Variants in CSNK2A1 observed in about 807,000 individuals in gnomAD.
CSNK2A1 encodes casein kinase II subunit alpha.
A neutral mutation model predicts 62.9 loss-of-function variants in CSNK2A1; 10 were observed. The observed-to-expected ratio is 0.16, with a 90% CI of 0.10 to 0.27. The LOEUF is 0.27. CSNK2A1 is among the 10% of genes least tolerant of loss of function. CSNK2A1 has a pLI of 1.00. For missense variants in CSNK2A1, 160 were observed against 492.0 expected (o/e 0.33, Z 6.38); for synonymous variants, 124 against 167.8 (o/e 0.74, Z 2.02).
chr20:513,084 C>A (rs1055557488), intron 2 of CSNK2A1, among the ~76,000 whole-genome samples: 1 of 152,206 alleles, frequency 6.6e-6, no homozygotes, highest in African/African-American at 2.4e-5. Context: ...ATGAACCCAA[C>A]AGAAATGCTG....
At chr20:507,457 C>T (rs1437037150) in intron 3 of CSNK2A1, 2 of 152,186 alleles carry the variant, frequency 1.3e-5, no homozygotes, top group African/African-American at 4.8e-5. Flanking sequence ...ATGCTTTTAT[C>T]ACAAAAGTAT....
chr20:532,198 T>G (rs1466154828), intron 1 of CSNK2A1, among the ~76,000 whole-genome samples: 2 of 151,928 alleles, frequency 1.3e-5, no homozygotes, highest in Admixed American at 6.6e-5. Flanking sequence ...GGAGTCTCGC[T>G]CTGTCGCCAG....
chr20:539,589 G>A (rs2019405811), intron 1 of CSNK2A1: 1 of 152,102 alleles, frequency 6.6e-6, no homozygotes, highest in South Asian at 2.1e-4. Context: ...ATCTACCTAA[G>A]ATCCTTAACT....
chr20:520,836 A>G (rs761481990), intron 2 of CSNK2A1, among the ~76,000 whole-genome samples: 4 of 152,216 alleles, frequency 2.6e-5, no homozygotes, highest in Middle Eastern at 3.2e-3. Flanking sequence ...ATGCAAAATC[A>G]TAAACTTTAA....
At chr20:495,543 GA>G (rs1472241729) in intron 8 of CSNK2A1, 175 bp downstream of exon 8, 3 of 530,568 alleles carry the variant, frequency 5.7e-6, no homozygotes, top group Non-Finnish European at 3.4e-6. Flanking sequence ...ATATTCTTAG[GA>G]ATATAAATAA....
At chr20:540,265 T>C (rs926880135) in intron 1 of CSNK2A1, among the ~76,000 whole-genome samples, 1 of 152,238 alleles carries the variant, frequency 6.6e-6, no homozygotes, top group Non-Finnish European at 1.5e-5. Flanking sequence ...TGTGGAAGTA[T>C]TCCACATGGG....
At chr20:540,393 C>A (rs2019424612) in intron 1 of CSNK2A1, among the ~76,000 whole-genome samples, 1 of 152,174 alleles carries the variant, frequency 6.6e-6, no homozygotes, top group African/African-American at 2.4e-5. Context: ...TCCATATAAC[C>A]ATAGGATACA....
At chr20:492,393 T>C (rs770574791) in intron 8 of CSNK2A1, 29 bp from the exon 9 acceptor site, 1 of 1,608,624 alleles carries the variant, frequency 6.2e-7, no homozygotes, top group South Asian at 1.1e-5. Flanking sequence ...TGAGCAATCT[T>C]ATCTTTCTCT....
intron 2 of CSNK2A1, among the ~76,000 whole-genome samples, chr20:512,954 A>G (rs6052551): frequency 0.044 from 6,639 of 152,214 alleles, 423 homozygotes; most frequent in African/African-American, 0.13. Context: ...AAGGTCATCT[A>G]TGTTGTAGGA....
intron 3 of CSNK2A1, chr20:506,283 G>A (rs527892815): frequency 4.9e-4 from 74 of 152,328 alleles, no homozygotes; most frequent in African/African-American, 1.7e-3. Context: ...CCACACTTTG[G>A]CAGCAGCTGA....
At chr20:520,755 C>T (rs951379385) in intron 2 of CSNK2A1, among the ~76,000 whole-genome samples, 9 of 152,158 alleles carry the variant, frequency 5.9e-5, no homozygotes, top group Non-Finnish European at 1.0e-4. Context: ...CTGCCTTGGC[C>T]TCCCAAAGTG....
chr20:489,696 A>T, intron 10 of CSNK2A1, 84 bp downstream of exon 10: 1 of 1,143,870 alleles, frequency 8.7e-7, no homozygotes, highest in Non-Finnish European at 1.2e-6. Context: ...GTGGCTGAAT[A>T]AACAGTGAAC....
intron 2 of CSNK2A1, among the ~76,000 whole-genome samples, chr20:509,334 G>C (rs1342411915): frequency 1.3e-5 from 2 of 152,190 alleles, no homozygotes; most frequent in Admixed American, 1.3e-4. Context: ...GTATAAAACA[G>C]TAATACAGAT....
chr20:510,320 C>A (rs1216808446), intron 2 of CSNK2A1: 1 of 152,196 alleles, frequency 6.6e-6, no homozygotes, highest in Non-Finnish European at 1.5e-5. Flanking sequence ...GGATTACAGG[C>A]ATGCGCCACC....
At chr20:522,280 A>G (rs545084469) in intron 2 of CSNK2A1, among the ~76,000 whole-genome samples, 1 of 152,360 alleles carries the variant, frequency 6.6e-6, no homozygotes, top group Admixed American at 6.5e-5. Flanking sequence ...GAAAGGGAGA[A>G]ATAGCAACTC....
At chr20:511,627 G>A (rs962249755) in intron 2 of CSNK2A1, among the ~76,000 whole-genome samples, 23 of 151,976 alleles carry the variant, frequency 1.5e-4, no homozygotes, top group African/African-American at 5.3e-4. Context: ...ATGTCTTCAA[G>A]GCTGATCCAT....
intron 10 of CSNK2A1, 87 bp from the exon 11 acceptor site, chr20:488,865 G>A (rs2018156453): frequency 7.4e-6 from 9 of 1,222,916 alleles, no homozygotes; most frequent in African/African-American, 3.0e-5. Context: ...TTACATAAAC[G>A]GGTCATCATG....
chr20:499,342 C>G lies in CSNK2A1; in HGVS notation c.316-37G>C. 1 of 1,595,174 alleles carries G rather than the reference C, an allele frequency of 6.3e-7. No homozygotes were observed. Among genetic ancestry groups the G allele is most frequent in the South Asian group, 1.1e-5 (1 of 87,602 alleles). ...GAACAAAAACAAAAACACACATTAG[C>G]AATAGCCCTGACAGCTTTAATGGGG... On this transcript the variant is annotated intron_variant, in intron 5 of 13. Coordinates refer to ENST00000217244, the MANE Select transcript of CSNK2A1 (RefSeq NM_177559.3). The surrounding 1 kb of genome is among the most constrained non-coding windows in gnomAD (Gnocchi z 4.2).
chr20:501,592 TTTACTC>T (rs1333519355), intron 4 of CSNK2A1: 3 of 152,198 alleles, frequency 2.0e-5, no homozygotes, highest in Non-Finnish European at 4.4e-5. Context: ...TCTAATGTAT[TTTACTC>T]TTACAGCATA....
Sources: gnomAD v4.1 joint callset for allele counts (sites outside exome capture counted in the v4.1 genomes callset) on GRCh38, gnomAD v4.1.1 for gene constraint, Gnocchi (gnomAD v3.1) non-coding constraint, MANE v1.5 for transcripts, NCBI Gene and HGNC (gene_info 2026-07-23, HGNC 2026-07-21) for gene names.